The following SI variants were observed in gnomAD, a reference collection of about 807,000 sequenced individuals.
SI encodes the protein sucrase-isomaltase.
In SI, 235 loss-of-function variants were observed where a neutral mutation model predicts 253.3. The observed-to-expected ratio is 0.93, with a 90% CI of 0.83 to 1.03. The LOEUF is 1.03. Ranked by LOEUF, SI falls within the 50% of genes least tolerant of loss-of-function variation. The pLI, the probability that SI is intolerant of heterozygous loss-of-function variation, is 0.00. For missense variants in SI, 2,442 were observed against 2,211.1 expected (o/e 1.10, Z -2.09); for synonymous variants, 819 against 712.0 (o/e 1.15, Z -2.39).
Position 164,979,401 on chromosome 3 carries a change from A to G in SI, c.5445T>C (p.Asn1815=), listed in dbSNP as rs1396656720. The G allele has an allele frequency of 1.9e-6, 3 of 1,584,156 alleles. No individual in the cohort carries two copies. Among genetic ancestry groups the G allele is most frequent in the African/African-American group, 1.3e-5 (1 of 74,210 alleles). ...TTTCTATTGGTTCTTCTAGAGTAACATTGTGTGTGGTCAGATCAATACGTA... is the reference window on the plus strand; with the variant it reads ...TTTCTATTGGTTCTTCTAGAGTAACGTTGTGTGTGGTCAGATCAATACGTA... ...MILRIDLTTH[N]VTLEEPIEIN... The change falls in exon 48 of 48, where the codon AAT becomes AAC. Residue 1815 remains asparagine (N), a synonymous_variant. Coordinates refer to ENST00000264382, the MANE Select transcript of SI (RefSeq NM_001041.4).
At chr3:165,041,337 A>G (rs1386771872) in intron 17 of SI, among the ~76,000 whole-genome samples, 1 of 152,140 alleles carries the variant, frequency 6.6e-6, no homozygotes, top group East Asian at 1.9e-4. Flanking sequence ...TGCCACAGAA[A>G]AAATAAATTT....
intron 41 of SI, among the ~76,000 whole-genome samples, chr3:164,993,997 C>T (rs576006808): frequency 5.3e-5 from 8 of 151,692 alleles, no homozygotes; most frequent in East Asian, 3.9e-4. Flanking sequence ...AGAACAATAC[C>T]TTGTATACAG....
chr3:164,998,509 A>G, intron 38 of SI, 31 bp downstream of exon 38: 1 of 1,609,256 alleles, frequency 6.2e-7, no homozygotes, highest in Non-Finnish European at 8.5e-7. Context: ...GAAAACACAA[A>G]ATAATAATAA....
chr3:165,013,344 A>G (rs1057204788), intron 33 of SI, among the ~76,000 whole-genome samples: 4 of 152,136 alleles, frequency 2.6e-5, no homozygotes, highest in African/African-American at 9.7e-5. Flanking sequence ...TAATATGAAA[A>G]ATATAAGTTA....
chr3:165,010,616 C>T (rs570947695), intron 34 of SI, among the ~76,000 whole-genome samples: 22 of 152,202 alleles, frequency 1.4e-4, no homozygotes, highest in Non-Finnish European at 2.8e-4. Flanking sequence ...AATGGTAGTG[C>T]CAGATCTTTT....
intron 17 of SI, among the ~76,000 whole-genome samples, chr3:165,041,559 C>T (rs1196855384): frequency 2.0e-5 from 3 of 151,948 alleles, no homozygotes; most frequent in African/African-American, 7.2e-5. Context: ...AATGGGCTTG[C>T]CTAAGGACTT....
chr3:165,019,655 G>C lies in SI; in HGVS notation c.3370C>G (p.Arg1124Gly), dbSNP rs200451408. The change falls in exon 28 of 48, where the codon CGA becomes GGA. Residue 1124 changes from arginine (R) to glycine (G), a missense_variant. By Grantham distance (125) the Arg-to-Gly change is moderately radical. Coordinates refer to ENST00000264382, the MANE Select transcript of SI (RefSeq NM_001041.4). Reference sequence around the variant, plus strand: ...CCCCAAGTATTCCAGTTCAGATCTCGCTTAAATGCTGTATGTTCCACTTCC... The same window carrying C: ...CCCCAAGTATTCCAGTTCAGATCTCCCTTAAATGCTGTATGTTCCACTTCC... ...FGEVEHTAFK[R>G]DLNWNTWGMF... 6.2e-7 allele frequency: 1 copy of C among 1,612,436 alleles called. No individual in the cohort carries two copies.
intron 46 of SI, 118 bp downstream of exon 46, chr3:164,982,884 C>G: frequency 3.1e-6 from 3 of 976,612 alleles, no homozygotes; most frequent in Non-Finnish European, 4.6e-6. Context: ...CCCCTGGCCT[C>G]AAGCAATCCT....
intron 25 of SI, among the ~76,000 whole-genome samples, chr3:165,030,446 A>T (rs981758445): frequency 9.9e-5 from 15 of 150,900 alleles, no homozygotes; most frequent in African/African-American, 3.1e-4. Flanking sequence ...ACAGAGTATT[A>T]TTTTTTTAAG....
intron 9 of SI, 150 bp from the exon 10 acceptor site, chr3:165,060,177 C>T: frequency 4.4e-6 from 3 of 688,606 alleles, no homozygotes; most frequent in Non-Finnish European, 7.2e-6. Flanking sequence ...TACCTGGATT[C>T]TAAACAATTT....
At position 165,021,396 on chromosome 3, in the gene SI, A is replaced by G. The variant is rs1224029173; in HGVS notation, c.3100-13T>C. The G allele has an allele frequency of 1.2e-6, 2 of 1,606,682 alleles. No individual in the cohort carries two copies. ...GGGGATCATAAATCTATTGCAGATA[A>G]GTAGTAAAAAAGTTTATTCTGATTG... On this transcript the variant is annotated splice_polypyrimidine_tract_variant and intron_variant, in intron 26 of 47. Transcript: ENST00000264382.
Position 165,049,174 on chromosome 3 carries a change from A to C in SI, c.1668T>G (p.Tyr556Ter), listed in dbSNP as rs1393260944. ...TGTATCCATAGAGGCTATGAACATC[A>C]TACTGTTTACCCCAGTTCTGCACAG... The part of the protein sequence containing the change: ...MDAVQNWGKQ[Y>*]DVHSLYGYSM... The change falls in exon 15 of 48, where the codon TAT becomes TAG. Residue 556 changes from tyrosine to a stop codon, truncating the protein, a stop_gained. Coordinates refer to ENST00000264382, the MANE Select transcript of SI (RefSeq NM_001041.4). LOFTEE classifies it high-confidence loss of function. The C allele has an allele frequency of 6.2e-7, 1 of 1,612,326 alleles. No individual in the cohort carries two copies. The highest frequency in any genetic ancestry group is 8.5e-7 in the Non-Finnish European group (1 of 1,178,694).
At chr3:165,029,613 T>C (rs1159772085) in intron 25 of SI, among the ~76,000 whole-genome samples, 1 of 145,638 alleles carries the variant, frequency 6.9e-6, no homozygotes, top group Non-Finnish European at 1.5e-5. Flanking sequence ...TATATATGTA[T>C]ATATATGTAA....
chr3:165,021,311 A>G lies in SI; in HGVS notation c.3172T>C (p.Tyr1058His). The change falls in exon 27 of 48, where the codon TAT becomes CAT. Residue 1058 changes from tyrosine (Y) to histidine (H), a missense_variant. Transcript: ENST00000264382. ...TCCACATCATAAAGTCTGTCTTCAT[A>G]AGTACTTATTGGGGTGGTTGGAATG... ...LNIPTTPISTYEDRLYDVEIK... is the reference protein window; with the variant it reads ...LNIPTTPISTHEDRLYDVEIK... 1 of 1,611,082 alleles carries G rather than the reference A, an allele frequency of 6.2e-7. No individual in the cohort carries two copies. Among genetic ancestry groups the G allele is most frequent in the Admixed American group, 1.7e-5 (1 of 59,808 alleles).
intron 15 of SI, among the ~76,000 whole-genome samples, chr3:165,048,056 T>A (rs1023675505): frequency 6.6e-6 from 1 of 152,086 alleles, no homozygotes; most frequent in Non-Finnish European, 1.5e-5. Context: ...CACTGCTTCA[T>A]GTAATACTCC....
At chr3:164,988,657 T>C (rs544686505) in intron 44 of SI, among the ~76,000 whole-genome samples, 69 of 152,236 alleles carry the variant, frequency 4.5e-4, no homozygotes, top group African/African-American at 1.6e-3. Flanking sequence ...GCTGTCAGCA[T>C]GTACATCACC....
intron 37 of SI, among the ~76,000 whole-genome samples, chr3:165,006,270 G>A (rs977138489): frequency 6.6e-6 from 1 of 151,928 alleles, no homozygotes; most frequent in Non-Finnish European, 1.5e-5. Flanking sequence ...CACCACTCCT[G>A]GCTAATTTTT....
intron 5 of SI, among the ~76,000 whole-genome samples, chr3:165,068,485 T>C (rs1445870732): frequency 6.6e-6 from 1 of 152,146 alleles, no homozygotes; most frequent in Non-Finnish European, 1.5e-5. Flanking sequence ...GCCATTCTCC[T>C]GCCTCAGCCT....
At chr3:165,015,887 C>T in intron 32 of SI, 65 bp downstream of exon 32, 1 of 1,396,848 alleles carries the variant, frequency 7.2e-7, no homozygotes, top group Non-Finnish European at 1.0e-6. Context: ...TTCCCCCCCA[C>T]CTGCTCATTT....
Sources: allele counts gnomAD v4.1 joint callset (sites outside exome capture counted in the v4.1 genomes callset), GRCh38; gene constraint gnomAD v4.1.1; transcripts MANE v1.5; gene names NCBI Gene and HGNC (gene_info 2026-07-23, HGNC 2026-07-21).